Variants in ERC1 observed in about 807,000 individuals in gnomAD.
ERC1 encodes the protein RAB6 interacting protein 2.
Under a neutral mutation model 132.0 loss-of-function variants are expected in ERC1, and 56 were observed. The ratio of observed to expected loss-of-function variants is 0.42; its 90% CI spans 0.34 to 0.53. The LOEUF (loss-of-function observed/expected upper bound fraction) is 0.53. Among genes scored for constraint, ERC1 ranks in the 20% least tolerant of loss-of-function variants. The pLI, the probability that ERC1 is intolerant of heterozygous loss-of-function variation, is 0.03. For synonymous variants in ERC1, 478 were observed against 476.1 expected (o/e 1.00, Z -0.05); for missense variants, 1,202 against 1,349.9 (o/e 0.89, Z 1.72).
chr12:1,261,267 G>A (rs1182444396), intron 13 of ERC1, among the ~76,000 whole-genome samples: 1 of 152,194 alleles, frequency 6.6e-6, no homozygotes, highest in Non-Finnish European at 1.5e-5. Context: ...AACAGTTTAA[G>A]AGTGGGATAG....
At chr12:1,029,810 C>T (rs1967660111) in intron 2 of ERC1, among the ~76,000 whole-genome samples, 1 of 146,646 alleles carries the variant, frequency 6.8e-6, no homozygotes, top group Non-Finnish European at 1.5e-5. Flanking sequence ...TACAGTGACG[C>T]AATCTCAGTT....
intron 14 of ERC1, among the ~76,000 whole-genome samples, chr12:1,289,001 T>G (rs2079223072): frequency 6.6e-6 from 1 of 150,758 alleles, no homozygotes; most frequent in African/African-American, 2.4e-5. Context: ...TTGTTTGTTG[T>G]TTTTCAGGTC....
At chr12:1,041,585 G>A (rs767107343) in intron 2 of ERC1, among the ~76,000 whole-genome samples, 11 of 152,192 alleles carry the variant, frequency 7.2e-5, no homozygotes, top group Non-Finnish European at 1.6e-4. Context: ...CTTGTAAGAG[G>A]CTGCCACTAG....
At chr12:1,142,884 T>A (rs1413172551) in intron 8 of ERC1, among the ~76,000 whole-genome samples, 1 of 152,196 alleles carries the variant, frequency 6.6e-6, no homozygotes, top group African/African-American at 2.4e-5. Context: ...CGATGTGAGT[T>A]CTAAACATTT....
At chr12:1,239,597 G>A (rs1445229343) in intron 13 of ERC1, among the ~76,000 whole-genome samples, 6 of 152,072 alleles carry the variant, frequency 3.9e-5, no homozygotes, top group Non-Finnish European at 7.4e-5. Flanking sequence ...GTACACGTAC[G>A]GTCCCAGCTA....
chr12:1,490,062 A>G, intron 18 of ERC1, 31 bp from the exon 19 acceptor site: 1 of 1,606,296 alleles, frequency 6.2e-7, no homozygotes, highest in Non-Finnish European at 8.5e-7. Flanking sequence ...GGATTGTTGT[A>G]TCTGAAATCC....
intron 12 of ERC1, among the ~76,000 whole-genome samples, chr12:1,203,304 T>G (rs982134033): frequency 1.3e-5 from 2 of 152,160 alleles, no homozygotes; most frequent in Non-Finnish European, 2.9e-5. Context: ...GTGATCTGCT[T>G]GCCTCGGCCT....
intron 8 of ERC1, among the ~76,000 whole-genome samples, chr12:1,178,809 A>T (rs1954036359): frequency 6.6e-6 from 1 of 152,054 alleles, no homozygotes; most frequent in South Asian, 2.1e-4. Context: ...TTGTTCAGTC[A>T]CTCATTCCCT....
At chr12:1,192,048 C>T (rs184087034) in intron 12 of ERC1, among the ~76,000 whole-genome samples, 2 of 152,280 alleles carry the variant, frequency 1.3e-5, no homozygotes, top group East Asian at 3.9e-4. Context: ...GGTGGTTGAG[C>T]CAGAGCTAGT....
intron 16 of ERC1, among the ~76,000 whole-genome samples, chr12:1,388,166 G>A (rs911247004): frequency 1.7e-4 from 26 of 151,850 alleles, no homozygotes; most frequent in African/African-American, 5.8e-4. Flanking sequence ...TCGAGACCAC[G>A]GTGAAACCCT....
intron 3 of ERC1, among the ~76,000 whole-genome samples, chr12:1,099,957 C>T (rs1169047825): frequency 1.3e-5 from 2 of 150,976 alleles, no homozygotes; most frequent in Admixed American, 6.6e-5. Flanking sequence ...AAGCCATTCT[C>T]CTGCCTCAGC....
At chr12:1,050,294 A>G (rs756388162) in intron 2 of ERC1, among the ~76,000 whole-genome samples, 23 of 152,338 alleles carry the variant, frequency 1.5e-4, no homozygotes, top group Non-Finnish European at 1.9e-4. Context: ...TTCCTGACCC[A>G]GGAGGTGTGA....
At chr12:1,108,801 TA>T (rs1945534085) in intron 4 of ERC1, among the ~76,000 whole-genome samples, 1 of 152,232 alleles carries the variant, frequency 6.6e-6, no homozygotes, top group Non-Finnish European at 1.5e-5. Flanking sequence ...TTCATTGTGA[TA>T]TTTTTAAAGG....
At chr12:1,438,954 A>AAAAAATATATATATATATATATAT (rs1015181197) in intron 17 of ERC1, among the ~76,000 whole-genome samples, 10 of 143,486 alleles carry the variant, frequency 7.0e-5, no homozygotes, top group African/African-American at 2.6e-4. Context: ...TTTAAAAAAA[A>AAAAAATATATATATATATATATAT]ATATATATAT....
intron 12 of ERC1, among the ~76,000 whole-genome samples, chr12:1,235,243 C>A (rs2075334357): frequency 6.6e-6 from 1 of 152,172 alleles, no homozygotes; most frequent in South Asian, 2.1e-4. Flanking sequence ...CCTGTAATTC[C>A]AGCTGTTCAG....
chr12:1,411,815 C>G (rs577916181), intron 17 of ERC1, among the ~76,000 whole-genome samples: 6 of 152,206 alleles, frequency 3.9e-5, no homozygotes, highest in Admixed American at 3.9e-4. Flanking sequence ...ATATTTTTGT[C>G]GCAAATCCTT....
intron 16 of ERC1, among the ~76,000 whole-genome samples, chr12:1,405,660 G>A (rs772324287): frequency 9.2e-5 from 14 of 152,100 alleles, no homozygotes; most frequent in Admixed American, 3.9e-4. Context: ...CCAGGATCAC[G>A]CCATTGCACT....
At chr12:1,096,725 A>G (rs1188716204) in intron 3 of ERC1, among the ~76,000 whole-genome samples, 1 of 152,220 alleles carries the variant, frequency 6.6e-6, no homozygotes, top group African/African-American at 2.4e-5. Flanking sequence ...ACAATATGGA[A>G]TGCATGTAAG....
chr12:1,060,056 G>T (rs992324686), intron 2 of ERC1, among the ~76,000 whole-genome samples: 4 of 152,192 alleles, frequency 2.6e-5, no homozygotes, highest in African/African-American at 7.2e-5. Context: ...GTATTAGTCT[G>T]TTTTCATGCT....
Sources: gnomAD v4.1 joint callset for allele counts (sites outside exome capture counted in the v4.1 genomes callset) on GRCh38, gnomAD v4.1.1 for gene constraint, MANE v1.5 for transcripts, NCBI Gene and HGNC (gene_info 2026-07-23, HGNC 2026-07-21) for gene names.